The following ZNF594 variants were observed in gnomAD, a reference collection of about 807,000 sequenced individuals.
The protein encoded by ZNF594 is zinc finger protein 594.
For synonymous variants in ZNF594, 336 were observed against 309.4 expected, an observed-to-expected ratio of 1.09 and a Z score of -0.90; for missense variants, 1,037 against 964.6, an observed-to-expected ratio of 1.08 and a Z score of -0.99.
In ZNF594 at chr17:5,181,401, G is replaced by A. The variant is rs758523021; in HGVS notation, c.*432C>T. On this transcript the variant is annotated 3_prime_UTR_variant, in exon 2 of 2. Transcript: ENST00000575779. ...CCTACCACACTGATTACACCAATAA[G>A]CTTTCTCTTCTTGGTGAATTTTCTG... 9 of 1,612,986 alleles carry A rather than the reference G, an allele frequency of 5.6e-6. No individual in the cohort carries two copies. The highest frequency in any genetic ancestry group is 7.6e-6 in the Non-Finnish European group (9 of 1,179,170).
At chr17:5,190,726 A>G (rs1445766480) in intron 1 of ZNF594, among the ~76,000 whole-genome samples, 1 of 151,754 alleles carries the variant, frequency 6.6e-6, no homozygotes, top group Non-Finnish European at 1.5e-5. Context: ...AACCTGAGTG[A>G]CTCTCTCCTA....
In ZNF594 at chr17:5,181,575, T is replaced by C; in HGVS notation, c.*258A>G. Reference sequence around the variant, plus strand: ...ACATTCATAGGGTTTCTCACCACTATGAATTCTCCGACGTTGAATAAGGAG... The same window carrying C: ...ACATTCATAGGGTTTCTCACCACTACGAATTCTCCGACGTTGAATAAGGAG... On this transcript the variant is annotated 3_prime_UTR_variant, in exon 2 of 2. Transcript: ENST00000575779. 6.2e-7 allele frequency: 1 copy of C among 1,613,798 alleles called. No homozygotes were observed. Among genetic ancestry groups the C allele is most frequent in the Non-Finnish European group, 8.5e-7 (1 of 1,179,720 alleles).
downstream of ZNF594, among the ~76,000 whole-genome samples, chr17:5,175,291 T>A (rs1212479701): frequency 6.6e-6 from 1 of 152,130 alleles, no homozygotes; most frequent in Non-Finnish European, 1.5e-5. Flanking sequence ...TCCTGTTAGA[T>A]CAGCAGCGGC....
At chr17:5,176,042 G>A (rs1412039711), downstream of ZNF594, among the ~76,000 whole-genome samples, 5 of 152,100 alleles carry the variant, frequency 3.3e-5, no homozygotes, top group African/African-American at 9.7e-5. Flanking sequence ...CTACACCGAC[G>A]CTAAAAGAGT....
Position 5,183,757 on chromosome 17 carries a change from CTTTGA to C in ZNF594, c.495_499del (p.Asn165LysfsTer21). On this transcript the variant is annotated frameshift_variant, in exon 2 of 2. Transcript: ENST00000575779. LOFTEE classifies it low-confidence loss of function (END_TRUNC). ...TCTCTGATGTATAATAAGATTTGAA[CTTTGA>C]TTAGAGTCTTTCCCACATTCATTAC... is the stretch of plus-strand genomic sequence containing the variant. 6.2e-7 allele frequency: 1 copy of C among 1,613,172 alleles called. No individual in the cohort carries two copies.
chr17:5,182,650 C>G lies in ZNF594; in HGVS notation c.1607G>C (p.Ser536Thr). 6.2e-7 allele frequency: 1 copy of G among 1,613,984 alleles called. No homozygotes were observed. The change falls in exon 2 of 2, where the codon AGC becomes ACC. Residue 536 changes from serine (S) to threonine (T), a missense_variant. Transcript: ENST00000575779. The stretch of plus-strand genomic sequence containing the variant: ...TTCAAGTTTCTCTCCAGTATGCAGG[C>G]TCTGATGTTTGAGGAAAGCTGTGCG... Reference protein sequence around the residue: ...IWRTAFLKHQSLHTGEKLECE... With the variant: ...IWRTAFLKHQTLHTGEKLECE...
downstream of ZNF594, among the ~76,000 whole-genome samples, chr17:5,177,985 A>C (rs1310041110): frequency 1.3e-5 from 2 of 152,130 alleles, no homozygotes; most frequent in Non-Finnish European, 2.9e-5. Context: ...TCCATACCTA[A>C]AGAAATATTC....
intron 1 of ZNF594, among the ~76,000 whole-genome samples, chr17:5,187,355 A>G (rs1401970984): frequency 1.3e-5 from 2 of 152,216 alleles, no homozygotes; most frequent in Non-Finnish European, 2.9e-5. Flanking sequence ...GATTCAAATT[A>G]TCTCCCACCA....
At chr17:5,179,151 C>T (rs1243662752), downstream of ZNF594, among the ~76,000 whole-genome samples, 6 of 150,528 alleles carry the variant, frequency 4.0e-5, no homozygotes, top group Admixed American at 1.3e-4. Context: ...CTGCAGGGGC[C>T]GGGAAGCCCG....
Position 5,182,652 on chromosome 17 carries a change from C to G in ZNF594, c.1605G>C (p.Gln535His), listed in dbSNP as rs189325141. The part of the protein sequence containing the change: ...FIWRTAFLKH[Q>H]SLHTGEKLEC... The stretch of plus-strand genomic sequence containing the variant: ...CAAGTTTCTCTCCAGTATGCAGGCT[C>G]TGATGTTTGAGGAAAGCTGTGCGCC... The change falls in exon 2 of 2, where the codon CAG becomes CAC. Residue 535 changes from glutamine to histidine, a missense_variant. Transcript: ENST00000575779. 74 of 1,613,978 alleles carry G rather than the reference C, an allele frequency of 4.6e-5. No homozygotes were observed. In the Middle Eastern group the frequency reaches 4.9e-4, roughly 11 times the overall value.
chr17:5,184,185 G>T lies in ZNF594; in HGVS notation c.72C>A (p.Leu24=). Residue 24 remains leucine, a synonymous_variant, in exon 2 of 2, where the codon CTC becomes CTA. Coordinates refer to ENST00000575779, the MANE Select transcript of ZNF594 (RefSeq NM_032530.2). ...CACATTCCTGGGTGATTTGTCTTTG[G>T]AGTTTTTCGGATGCAGCCCTTGCTG... ...KKSARAASEK[L]QRQITQECEL... 6.2e-7 allele frequency: 1 copy of T among 1,614,100 alleles called. No homozygotes were observed. Among genetic ancestry groups the T allele is most frequent in the Non-Finnish European group, 8.5e-7 (1 of 1,180,016 alleles).
chr17:5,182,162 G>T lies in ZNF594; in HGVS notation c.2095C>A (p.Arg699=), dbSNP rs200830913. The T allele has an allele frequency of 3.1e-6, 5 of 1,613,480 alleles. No individual in the cohort carries two copies. In the East Asian group the frequency reaches 1.1e-4, roughly 36 times the overall value. Residue 699 remains arginine (R), a synonymous_variant, in exon 2 of 2, where the codon CGG becomes AGG. Transcript: ENST00000575779. ...FRRRSLLIQH[R]RLHSGEKPYE... ...GGTTTCTCACCACTATGAAGTCTCC[G>T]ATGTTGAATAAGGAGGGAACGCCGC...
downstream of ZNF594, among the ~76,000 whole-genome samples, chr17:5,176,395 C>CAAAAAAAAAA (rs34510280): frequency 3.5e-5 from 3 of 85,614 alleles, no homozygotes; most frequent in Non-Finnish European, 4.7e-5. Context: ...AACTCTGTCT[C>CAAAAAAAAAA]AAAAAAAAAA....
chr17:5,182,977 C>T lies in ZNF594; in HGVS notation c.1280G>A (p.Ser427Asn). 1 of 1,614,088 alleles carries T rather than the reference C, an allele frequency of 6.2e-7. No individual in the cohort carries two copies. Among genetic ancestry groups the T allele is most frequent in the Non-Finnish European group, 8.5e-7 (1 of 1,180,012 alleles). ...SDLLRHHRIH[S>N]GEKPCVCSKC... is the part of the protein sequence containing the mutation. ...GCTACATACACAAGGTTTTTCTCCA[C>T]TGTGAATTCTATGATGTCTCAGAAG... is the stretch of plus-strand genomic sequence containing the variant. Residue 427 changes from serine to asparagine, a missense_variant, in exon 2 of 2, where the codon AGT becomes AAT. Physicochemically the swap from Ser to Asn is conservative, Grantham distance 46. Transcript: ENST00000575779.
rs781031562 is a variant in ZNF594, at chr17:5,182,747, T to C, written c.1510A>G (p.Ile504Val). 6.2e-7 allele frequency: 1 copy of C among 1,614,000 alleles called. No homozygotes were observed. Among genetic ancestry groups the C allele is most frequent in the Non-Finnish European group, 8.5e-7 (1 of 1,179,990 alleles). The part of the protein sequence containing the change: ...GKAFRRRSLL[I>V]QHRRIHSGEK... ...CCACTATGAATTCTCCGATGTTGAA[T>C]AAGGAGTGAACGCCGCCTGAAGGCT... The change falls in exon 2 of 2, where the codon ATT (isoleucine) becomes GTT (valine). Residue 504 changes from isoleucine to valine, a missense_variant. Ile to Val is a conservative substitution (Grantham distance 29, BLOSUM62 3). Coordinates refer to ENST00000575779, the MANE Select transcript of ZNF594 (RefSeq NM_032530.2).
At chr17:5,185,214 T>C (rs904432447) in intron 1 of ZNF594, among the ~76,000 whole-genome samples, 2 of 152,128 alleles carry the variant, frequency 1.3e-5, no homozygotes, top group East Asian at 1.9e-4. Flanking sequence ...TACCTGAGAC[T>C]GGAGAGAAAA....
chr17:5,187,890 T>TC (rs1438646366), intron 1 of ZNF594, among the ~76,000 whole-genome samples: 1 of 148,864 alleles, frequency 6.7e-6, no homozygotes, highest in African/African-American at 2.5e-5. Context: ...GGATTTCCTT[T>TC]TTTTTTTTTT....
intron 1 of ZNF594, among the ~76,000 whole-genome samples, chr17:5,189,217 G>T: frequency 6.7e-6 from 1 of 149,818 alleles, no homozygotes. Flanking sequence ...AAGTGCTGGG[G>T]TTATAGGTGT....
At chr17:5,175,083 ATTTCTTTCT>A (rs1474008467), downstream of ZNF594, 1 of 173,680 alleles carries the variant, frequency 5.8e-6, no homozygotes, top group Non-Finnish European at 1.3e-5. Flanking sequence ...TACTTGAATA[ATTTCTTTCT>A]GACTTGTATA....
Sources: allele counts gnomAD v4.1 joint callset (sites outside exome capture counted in the v4.1 genomes callset), GRCh38; gene constraint gnomAD v4.1.1; transcripts MANE v1.5; gene names NCBI Gene and HGNC (gene_info 2026-07-23, HGNC 2026-07-21).